The following GOLIM4 variants were observed in gnomAD, a reference collection of about 807,000 sequenced individuals.
The protein encoded by GOLIM4 is 130 kDa golgi-localized phosphoprotein.
Under a neutral mutation model 107.4 loss-of-function variants are expected in GOLIM4, and 71 were observed. The ratio of observed to expected loss-of-function variants is 0.66; its 90% CI spans 0.55 to 0.81. The LOEUF is 0.81. Ranked by LOEUF, GOLIM4 falls within the 30% of genes least tolerant of loss-of-function variation. GOLIM4 has a pLI of 0.00. For missense variants in GOLIM4, 830 were observed against 826.1 expected (o/e 1.00, Z -0.06); for synonymous variants, 327 against 294.8 (o/e 1.11, Z -1.12).
rs996136964 is a variant in GOLIM4, at chr3:168,021,985, G to A, written c.1860+2541C>T. ...ATAAAACGTTTGGAATGTAAGCAACGTAAGGAAGGGATCATGCCTTCCATT... is the reference window on the plus strand; with the variant it reads ...ATAAAACGTTTGGAATGTAAGCAACATAAGGAAGGGATCATGCCTTCCATT... On this transcript the variant is annotated intron_variant, in intron 14 of 15. Transcript: ENST00000470487. Among the ~76,000 whole-genome samples, 9 of 152,284 alleles carry A rather than the reference G, an allele frequency of 5.9e-5. No individual in the cohort carries two copies. In the South Asian group the frequency reaches 6.2e-4, roughly 11 times the overall value.
intron 9 of GOLIM4, 104 bp downstream of exon 9, chr3:168,032,416 C>G: frequency 1.2e-6 from 1 of 822,292 alleles, no homozygotes; most frequent in Non-Finnish European, 2.0e-6. Flanking sequence ...AGTAGAATCA[C>G]TCACATTTCT....
intron 14 of GOLIM4, among the ~76,000 whole-genome samples, chr3:168,015,736 G>A (rs1248327682): frequency 3.0e-5 from 4 of 134,618 alleles, no homozygotes; most frequent in Non-Finnish European, 5.9e-5. Flanking sequence ...AAATAACGTC[G>A]CATATCTACA....
intron 1 of GOLIM4, among the ~76,000 whole-genome samples, chr3:168,056,551 A>C (rs977049375): frequency 6.6e-5 from 10 of 152,306 alleles, no homozygotes; most frequent in African/African-American, 2.2e-4. Flanking sequence ...AGCAGCTGGG[A>C]GGGAGGCTGT....
intron 14 of GOLIM4, among the ~76,000 whole-genome samples, chr3:168,024,146 C>G (rs538904318): frequency 1.3e-5 from 2 of 152,270 alleles, no homozygotes; most frequent in East Asian, 3.9e-4. Flanking sequence ...GAGGTAGGCA[C>G]TGGGGAGATG....
At chr3:168,094,547 C>A (rs1394240092) in intron 1 of GOLIM4, among the ~76,000 whole-genome samples, 2 of 152,218 alleles carry the variant, frequency 1.3e-5, no homozygotes, top group African/African-American at 4.8e-5. Context: ...AAATAAGAAA[C>A]TAGCAGGTCC....
At chr3:168,046,290 A>T (rs977766347) in intron 3 of GOLIM4, among the ~76,000 whole-genome samples, 14 of 152,036 alleles carry the variant, frequency 9.2e-5, no homozygotes, top group African/African-American at 1.9e-4. Flanking sequence ...AAATATTTTT[A>T]TTTATTTATT....
chr3:168,031,610 A>C (rs1577518367), intron 9 of GOLIM4, among the ~76,000 whole-genome samples: 2 of 152,184 alleles, frequency 1.3e-5, no homozygotes, highest in Non-Finnish European at 2.9e-5. Flanking sequence ...GTGGGGAATT[A>C]CTTCCCCTAT....
chr3:168,080,530 A>G (rs994315806), intron 1 of GOLIM4, among the ~76,000 whole-genome samples: 1 of 152,224 alleles, frequency 6.6e-6, no homozygotes, highest in South Asian at 2.1e-4. Flanking sequence ...CGCAGTCGCC[A>G]AGTCATTCCA....
chr3:168,043,172 AAC>A (rs1719114679), intron 5 of GOLIM4, among the ~76,000 whole-genome samples: 2 of 152,228 alleles, frequency 1.3e-5, no homozygotes, highest in South Asian at 4.1e-4. Context: ...GATACAACAG[AAC>A]ACACGACATA....
chr3:168,088,550 G>A (rs1721742432), intron 1 of GOLIM4, among the ~76,000 whole-genome samples: 1 of 152,160 alleles, frequency 6.6e-6, no homozygotes, highest in Admixed American at 6.6e-5. Context: ...CACCCTGCTG[G>A]TAAATGCCTG....
chr3:168,094,175 T>C (rs989399015), intron 1 of GOLIM4, among the ~76,000 whole-genome samples: 1 of 152,248 alleles, frequency 6.6e-6, no homozygotes, highest in Non-Finnish European at 1.5e-5. Context: ...TGACTTTGAA[T>C]TTACGTTAAA....
chr3:168,024,901 C>G, intron 13 of GOLIM4, 27 bp downstream of exon 13: 6 of 1,596,524 alleles, frequency 3.8e-6, no homozygotes, highest in Non-Finnish European at 5.2e-6. Flanking sequence ...CCAGTTAAAT[C>G]CACCCTTCCT....
rs370689676 is a variant in GOLIM4 at position 168,011,477 on chromosome 3, G to A, written c.1861-654C>T. ...CAGCAAGGCTGGGGGAGGGGCGCCCGCCATTGCCCAGGCTTGATTAGGTAA... is the reference window on the plus strand; with the variant it reads ...CAGCAAGGCTGGGGGAGGGGCGCCCACCATTGCCCAGGCTTGATTAGGTAA... On this transcript the variant is annotated intron_variant, in intron 14 of 15. Transcript: ENST00000470487. 4.5e-4 allele frequency among the ~76,000 whole-genome samples: 68 copies of A among 152,046 alleles called. No individual in the cohort carries two copies. The East Asian group carries it at 6.0e-3, about 13-fold the overall frequency.
intron 1 of GOLIM4, among the ~76,000 whole-genome samples, chr3:168,058,059 T>A (rs1289210241): frequency 6.6e-6 from 1 of 152,194 alleles, no homozygotes; most frequent in Non-Finnish European, 1.5e-5. Context: ...AGTTAAATAA[T>A]AGTCCTGAAA....
chr3:168,017,375 C>G lies in GOLIM4; in HGVS notation c.1861-6552G>C, dbSNP rs1295279405. ...GCCTAGTGGTGCACGCCTGTAGTCT[C>G]AGCTACTCGGGAGGCTGAGGCAGAG... On this transcript the variant is annotated intron_variant, in intron 14 of 15. Transcript: ENST00000470487. Among the ~76,000 whole-genome samples the G allele has an allele frequency of 2.6e-5, 4 of 152,080 alleles. No homozygotes were observed. The East Asian group carries it at 7.7e-4, about 29-fold the overall frequency.
intron 14 of GOLIM4, among the ~76,000 whole-genome samples, chr3:168,023,882 G>A (rs12489039): frequency 0.025 from 3,819 of 151,914 alleles, 155 homozygotes; most frequent in East Asian, 0.11. Context: ...CACAATAAAC[G>A]CTACTTATAT....
intron 1 of GOLIM4, among the ~76,000 whole-genome samples, chr3:168,071,644 G>A (rs541758954): frequency 2.8e-4 from 43 of 150,974 alleles, no homozygotes; most frequent in African/African-American, 1.0e-3. Flanking sequence ...AGGCCAGGGA[G>A]ATGACCCATT....
rs761219523 is a variant in GOLIM4, at chr3:168,027,728, A to G, written c.1623T>C (p.Asp541=). ...CAGGGGCAGAAGAGAGGATACTTACATCTGCCTCAGATTCTGGGTCGGCTT... is the reference window on the plus strand; with the variant it reads ...CAGGGGCAGAAGAGAGGATACTTACGTCTGCCTCAGATTCTGGGTCGGCTT... The part of the protein sequence containing the change: ...PREADPESEA[D]RAAVEDINPA... Residue 541 remains aspartate (D), a splice_region_variant and synonymous_variant, in exon 12 of 16, where the codon GAT becomes GAC. Transcript: ENST00000470487. 1.3e-6 allele frequency: 2 copies of G among 1,566,866 alleles called. No homozygotes were observed. The highest frequency in any genetic ancestry group is 1.8e-6 in the Non-Finnish European group (2 of 1,137,094).
At chr3:168,029,703 G>A in intron 10 of GOLIM4, 77 bp downstream of exon 10, 1 of 1,535,144 alleles carries the variant, frequency 6.5e-7, no homozygotes, top group Non-Finnish European at 8.9e-7. Context: ...AATCACAAAT[G>A]CACAAAACTG....
Sources: gnomAD v4.1 joint callset for allele counts (sites outside exome capture counted in the v4.1 genomes callset) on GRCh38, gnomAD v4.1.1 for gene constraint, MANE v1.5 for transcripts, NCBI Gene and HGNC (gene_info 2026-07-23, HGNC 2026-07-21) for gene names.